Variants in ADGB observed in about 807,000 individuals in gnomAD.
ADGB encodes the protein androglobin, also known as calpain-7-like protein.
ADGB carries 172 observed loss-of-function variants against 210.5 expected under a neutral mutation model. The ratio of observed to expected loss-of-function variants is 0.82; its 90% confidence interval spans 0.72 to 0.93. The LOEUF is 0.93. ADGB is among the 40% of genes least tolerant of loss of function. The pLI is 0.00. For synonymous variants in ADGB, 658 were observed against 662.7 expected (o/e 0.99, Z 0.11); for missense variants, 2,025 against 1,964.8 (o/e 1.03, Z -0.58).
intron 26 of ADGB, among the ~76,000 whole-genome samples, chr6:146,748,216 G>C (rs1777269984): frequency 6.6e-6 from 1 of 152,096 alleles, no homozygotes; most frequent in Non-Finnish European, 1.5e-5. Context: ...AATGGAAGGG[G>C]AGCATAACCA....
At chr6:146,727,271 A>C (rs1002837584) in intron 19 of ADGB, among the ~76,000 whole-genome samples, 2 of 151,572 alleles carry the variant, frequency 1.3e-5, no homozygotes, top group Non-Finnish European at 2.9e-5. Flanking sequence ...TTGCCCCCAC[A>C]CATGTCACAC....
intron 1 of ADGB, among the ~76,000 whole-genome samples, chr6:146,610,672 T>G (rs1242279466): frequency 2.0e-5 from 3 of 152,130 alleles, no homozygotes; most frequent in Non-Finnish European, 4.4e-5. Flanking sequence ...ACCAGGCCTG[T>G]GATTTTGTTC....
chr6:146,707,643 AATAT>A (rs1162847631), intron 13 of ADGB, among the ~76,000 whole-genome samples: 1 of 152,090 alleles, frequency 6.6e-6, no homozygotes, highest in Non-Finnish European at 1.5e-5. Flanking sequence ...ATTTGATATA[AATAT>A]AGCTATCCCT....
chr6:146,717,127 A>G (rs1776747405), intron 15 of ADGB, 58 bp downstream of exon 15: 2 of 1,335,298 alleles, frequency 1.5e-6, no homozygotes, highest in South Asian at 1.4e-5. Context: ...CCTGAGCTGC[A>G]TTAGTATACA....
At chr6:146,753,140 T>C (rs1777348383) in intron 27 of ADGB, among the ~76,000 whole-genome samples, 1 of 152,096 alleles carries the variant, frequency 6.6e-6, no homozygotes, top group Non-Finnish European at 1.5e-5. Context: ...TGGTTAGCAG[T>C]GCTACTCTGA....
chr6:146,606,575 G>A (rs1575375), intron 1 of ADGB, among the ~76,000 whole-genome samples: 58,160 of 151,976 alleles, frequency 0.38, 13,579 homozygotes, highest in Admixed American at 0.52. Context: ...GTTGCTTTAC[G>A]TATATAGTGA....
intron 29 of ADGB, among the ~76,000 whole-genome samples, chr6:146,771,150 T>C (rs925914392): frequency 1.3e-5 from 2 of 152,096 alleles, no homozygotes; most frequent in African/African-American, 4.8e-5. Flanking sequence ...GATTCCCTTG[T>C]TGTGGTTGCA....
At chr6:146,774,263 G>C (rs184642517) in intron 29 of ADGB, among the ~76,000 whole-genome samples, 1 of 152,136 alleles carries the variant, frequency 6.6e-6, no homozygotes, top group South Asian at 2.1e-4. Flanking sequence ...GAACACAGTA[G>C]TTTAATTCAT....
chr6:146,772,200 T>C (rs1236247047), intron 29 of ADGB, among the ~76,000 whole-genome samples: 2 of 152,018 alleles, frequency 1.3e-5, no homozygotes, highest in Non-Finnish European at 2.9e-5. Flanking sequence ...GGAAAACCTG[T>C]TTCTGAATAA....
chr6:146,724,096 A>G, intron 17 of ADGB, 90 bp from the exon 18 acceptor site: 1 of 1,023,748 alleles, frequency 9.8e-7, no homozygotes, highest in Non-Finnish European at 1.4e-6. Flanking sequence ...ATTGTTATTT[A>G]TGTTGTTACT....
chr6:146,752,608 G>A lies in ADGB; in HGVS notation c.3444G>A (p.Leu1148=). The A allele has an allele frequency of 6.4e-7, 1 of 1,550,896 alleles. No homozygotes were observed. Among genetic ancestry groups the A allele is most frequent in the Non-Finnish European group, 8.7e-7 (1 of 1,146,474 alleles). ...RTSKPDAFIK[L]QVLENEETMV... ...CCAAACCAGATGCATTCATCAAGCTGCAGGTCCTAGAAAATGAAGAAACTA... is the reference window on the plus strand; with the variant it reads ...CCAAACCAGATGCATTCATCAAGCTACAGGTCCTAGAAAATGAAGAAACTA... Residue 1148 remains leucine (L), a synonymous_variant, in exon 27 of 36, where the codon CTG becomes CTA. Transcript: ENST00000397944.
At chr6:146,808,042 C>T (rs1176814594) in intron 35 of ADGB, among the ~76,000 whole-genome samples, 4 of 145,966 alleles carry the variant, frequency 2.7e-5, no homozygotes, top group Non-Finnish European at 5.9e-5. Context: ...CTCTGTTGCC[C>T]AGGCTGGAGT....
At chr6:146,694,447 G>C (rs1287881378) in intron 12 of ADGB, among the ~76,000 whole-genome samples, 1 of 152,126 alleles carries the variant, frequency 6.6e-6, no homozygotes, top group African/African-American at 2.4e-5. Flanking sequence ...TGCAGGTTGA[G>C]TCACCTCCCA....
rs1562252431 is a variant in ADGB at position 146,603,109 on chromosome 6, A to G, written c.74+3995A>G. ...TACCTCCCAAGGGCCCCATGTCCTA[A>G]TACCATTCCATTGAGAATTAAAATT... is the stretch of plus-strand genomic sequence containing the variant. On this transcript the variant is annotated intron_variant, in intron 1 of 35. Coordinates refer to ENST00000397944, the MANE Select transcript of ADGB (RefSeq NM_024694.4). 3.3e-5 allele frequency among the ~76,000 whole-genome samples: 5 copies of G among 152,340 alleles called. No individual in the cohort carries two copies. The East Asian group carries it at 5.8e-4, about 18-fold the overall frequency.
chr6:146,755,153 T>C (rs769311422), intron 27 of ADGB, among the ~76,000 whole-genome samples: 7 of 152,090 alleles, frequency 4.6e-5, no homozygotes, highest in Non-Finnish European at 1.0e-4. Flanking sequence ...GGATTTCTTA[T>C]CACTGATTCT....
At chr6:146,690,853 T>G (rs1263152954) in intron 10 of ADGB, among the ~76,000 whole-genome samples, 1 of 152,196 alleles carries the variant, frequency 6.6e-6, no homozygotes, top group African/African-American at 2.4e-5. Flanking sequence ...GCAATCTCAT[T>G]CATCCTTAAG....
intron 28 of ADGB, among the ~76,000 whole-genome samples, chr6:146,765,693 AAAC>A (rs1250504269): frequency 6.6e-6 from 1 of 151,668 alleles, no homozygotes; most frequent in Admixed American, 6.6e-5. Context: ...CCAAATTTGT[AAAC>A]AACATCTAAA....
intron 28 of ADGB, among the ~76,000 whole-genome samples, chr6:146,768,381 A>G (rs980913022): frequency 6.6e-6 from 1 of 152,206 alleles, no homozygotes; most frequent in Non-Finnish European, 1.5e-5. Context: ...ATTAATGCAT[A>G]CATAGGTAAA....
At chr6:146,663,397 T>C (rs1386630001) in intron 5 of ADGB, among the ~76,000 whole-genome samples, 1 of 151,656 alleles carries the variant, frequency 6.6e-6, no homozygotes, top group East Asian at 1.9e-4. Context: ...CCCTGGTTCA[T>C]AAATGGCTGG....
Sources: gnomAD v4.1 joint callset for allele counts (sites outside exome capture counted in the v4.1 genomes callset) on GRCh38, gnomAD v4.1.1 for gene constraint, MANE v1.5 for transcripts, NCBI Gene and HGNC (gene_info 2026-07-23, HGNC 2026-07-21) for gene names.